The following CAPN13 variants were observed in gnomAD, a reference collection of about 807,000 sequenced individuals.
CAPN13 encodes the protein calpain-13.
In CAPN13, 90 loss-of-function variants were observed where a neutral mutation model predicts 98.4. That is an observed-to-expected ratio of 0.92 (90% CI 0.77 to 1.09). The LOEUF (loss-of-function observed/expected upper bound fraction) is 1.09, where lower values mean the gene tolerates loss of function less well. Ranked by LOEUF, CAPN13 falls within the 50% of genes least tolerant of loss-of-function variation. The pLI, the probability that CAPN13 is intolerant of heterozygous loss-of-function variation, is 0.00. For synonymous variants in CAPN13, 330 were observed against 305.5 expected (o/e 1.08, Z -0.84); for missense variants, 887 against 841.3 (o/e 1.05, Z -0.67).
chr2:30,760,443 T>C (rs55880119), intron 7 of CAPN13, among the ~76,000 whole-genome samples: 1 of 149,236 alleles, frequency 6.7e-6, no homozygotes, highest in Non-Finnish European at 1.5e-5. Context: ...GTGGGCATGG[T>C]GGGGAGAAAA....
At chr2:30,741,097 G>C (rs1337352261) in intron 15 of CAPN13, among the ~76,000 whole-genome samples, 3 of 152,200 alleles carry the variant, frequency 2.0e-5, no homozygotes, top group Non-Finnish European at 2.9e-5. Flanking sequence ...AATCAGCCCA[G>C]ATGGTGGACC....
chr2:30,772,061 C>T (rs1486563587), intron 4 of CAPN13, among the ~76,000 whole-genome samples: 6 of 152,304 alleles, frequency 3.9e-5, no homozygotes, highest in Non-Finnish European at 7.3e-5. Flanking sequence ...ACTCTTCGCC[C>T]TATCTTCCCA....
intron 22 of CAPN13, among the ~76,000 whole-genome samples, chr2:30,725,106 A>G (rs1187162729): frequency 6.6e-6 from 1 of 151,634 alleles, no homozygotes; most frequent in Non-Finnish European, 1.5e-5. Flanking sequence ...CATTAGCTAG[A>G]CAAACTCTCA....
chr2:30,736,718 C>T (rs1238777636), intron 17 of CAPN13, 147 bp from the exon 18 acceptor site: 5 of 689,112 alleles, frequency 7.3e-6, no homozygotes, highest in Admixed American at 2.5e-5. Context: ...CAGCTGGCTC[C>T]CGCTGTGTCT....
chr2:30,774,797 G>A (rs1172465276), intron 4 of CAPN13, among the ~76,000 whole-genome samples: 1 of 152,126 alleles, frequency 6.6e-6, no homozygotes, highest in Non-Finnish European at 1.5e-5. Context: ...AGCTCAATCA[G>A]TTTGTTTTAA....
rs767946543 is a variant in CAPN13 at position 30,764,208 on chromosome 2, G to C, written c.623C>G (p.Ser208Cys). 1.2e-6 allele frequency: 2 copies of C among 1,611,332 alleles called. No individual in the cohort carries two copies. Among genetic ancestry groups the C allele is most frequent in the South Asian group, 1.1e-5 (1 of 90,212 alleles). The stretch of plus-strand genomic sequence containing the variant: ...CACTGCCTTCACCAGGTCCACAGGG[G>C]AAGAGTGCAGATGGATGTTGGTGAT... Reference protein sequence around the residue: ...GVITNIHLHSSPVDLVKAVKT... With the variant: ...GVITNIHLHSCPVDLVKAVKT... Residue 208 changes from serine (S) to cysteine (C), a missense_variant, in exon 6 of 23, where the codon TCC (serine) becomes TGC (cysteine). Ser to Cys is a moderately radical substitution (Grantham distance 112, BLOSUM62 -1). Transcript: ENST00000295055.
At chr2:30,765,227 G>A (rs1457747387) in intron 5 of CAPN13, among the ~76,000 whole-genome samples, 1 of 152,170 alleles carries the variant, frequency 6.6e-6, no homozygotes, top group African/African-American at 2.4e-5. Context: ...CCCATCCATG[G>A]GGTGAATTGG....
intron 2 of CAPN13, among the ~76,000 whole-genome samples, chr2:30,786,098 T>A (rs1674263002): frequency 6.6e-6 from 1 of 152,182 alleles, no homozygotes; most frequent in African/African-American, 2.4e-5. Context: ...CTGAATTAGA[T>A]ATCCACAGAC....
At chr2:30,732,272 G>T (rs1174110017) in intron 20 of CAPN13, among the ~76,000 whole-genome samples, 166 bp downstream of exon 20, 1 of 152,138 alleles carries the variant, frequency 6.6e-6, no homozygotes, top group African/African-American at 2.4e-5. Flanking sequence ...TGCGGAGGGA[G>T]CTGGTCACAC....
rs1671038895 is a variant in CAPN13, at chr2:30,730,680, G to A, written c.*30+50C>T. ...TTATGTGCAGTTCTTAGAGGGGAAG[G>A]AGGACTCATGCTCCCAGGAGGGAAA... On this transcript the variant is annotated intron_variant, in intron 22 of 22. Coordinates refer to ENST00000295055, the MANE Select transcript of CAPN13 (RefSeq NM_144575.3). 5 of 775,086 alleles carry A rather than the reference G, an allele frequency of 6.5e-6. No homozygotes were observed. The East Asian group carries it at 9.7e-5, about 15-fold the overall frequency. The allele number at this position is 775,086 out of a possible 1,614,324, so 48.0% of individuals were successfully genotyped here.
At chr2:30,757,839 C>A (rs1157704917) in intron 8 of CAPN13, among the ~76,000 whole-genome samples, 2 of 152,224 alleles carry the variant, frequency 1.3e-5, no homozygotes, top group African/African-American at 2.4e-5. Context: ...GCAGTTAGTA[C>A]AGGGTGTACA....
intron 5 of CAPN13, among the ~76,000 whole-genome samples, chr2:30,766,556 GGA>G (rs940097783): frequency 1.3e-5 from 2 of 152,086 alleles, no homozygotes; most frequent in Non-Finnish European, 2.9e-5. Context: ...GAAGTAGAAA[GGA>G]GAGAGAGAGA....
At chr2:30,732,140 AGGTTTCAAT>A (rs1671130657) in intron 20 of CAPN13, among the ~76,000 whole-genome samples, 1 of 152,332 alleles carries the variant, frequency 6.6e-6, no homozygotes, top group African/African-American at 2.4e-5. Context: ...ACTGAAGAGC[AGGTTTCAAT>A]GATAAACACA....
intron 11 of CAPN13, among the ~76,000 whole-genome samples, chr2:30,749,991 A>G (rs976240229): frequency 3.9e-5 from 6 of 152,228 alleles, no homozygotes; most frequent in African/African-American, 9.6e-5. Flanking sequence ...GCATTCTACC[A>G]TAAAGACACA....
intron 7 of CAPN13, among the ~76,000 whole-genome samples, chr2:30,761,331 G>A (rs1672838812): frequency 6.6e-6 from 1 of 152,144 alleles, no homozygotes; most frequent in Non-Finnish European, 1.5e-5. Flanking sequence ...ACAACTCCAA[G>A]TGTACACTAT....
At chr2:30,778,681 A>G (rs1426699342) in intron 2 of CAPN13, among the ~76,000 whole-genome samples, 1 of 152,174 alleles carries the variant, frequency 6.6e-6, no homozygotes, top group Non-Finnish European at 1.5e-5. Context: ...AGAGATGCAC[A>G]CTAAGGGGAA....
chr2:30,775,661 G>T (rs1392281806), intron 4 of CAPN13, among the ~76,000 whole-genome samples: 7 of 152,162 alleles, frequency 4.6e-5, no homozygotes, highest in Non-Finnish European at 1.0e-4. Flanking sequence ...ACAAAAACTC[G>T]ATGTTAGTTA....
At chr2:30,752,291 C>T (rs1672212163) in intron 10 of CAPN13, among the ~76,000 whole-genome samples, 1 of 152,216 alleles carries the variant, frequency 6.6e-6, no homozygotes, top group Admixed American at 6.5e-5. Flanking sequence ...AACAAACACA[C>T]TCACACACAC....
At chr2:30,800,129 AAAG>A (rs1286326185) in intron 1 of CAPN13, among the ~76,000 whole-genome samples, 2 of 133,516 alleles carry the variant, frequency 1.5e-5, no homozygotes, top group African/African-American at 6.2e-5. Context: ...AGAAAGAAAG[AAAG>A]AAAGAAAGAA....
Sources: allele counts gnomAD v4.1 joint callset (sites outside exome capture counted in the v4.1 genomes callset), GRCh38; gene constraint gnomAD v4.1.1; transcripts MANE v1.5; gene names NCBI Gene and HGNC (gene_info 2026-07-23, HGNC 2026-07-21).